GSE1: variants seen among roughly 807,000 people sequenced by gnomAD.
GSE1 encodes genetic suppressor element 1.
A neutral mutation model predicts 112.6 loss-of-function variants in GSE1; 32 were observed. The ratio of observed to expected loss-of-function variants is 0.28; its 90% CI spans 0.21 to 0.38. The LOEUF (loss-of-function observed/expected upper bound fraction) is 0.38, where lower values mean the gene tolerates loss of function less well. GSE1 is among the 10% of genes least tolerant of loss of function. The pLI is 1.00. For synonymous variants in GSE1, 1,115 were observed against 735.6 expected (o/e 1.52, Z -8.35); for missense variants, 2,348 against 1,699.2 (o/e 1.38, Z -6.71).
rs146794277 is a variant in GSE1, at chr16:85,367,643, G to A, written c.2464+10000G>A. Among the ~76,000 whole-genome samples, 1,376 of 152,280 alleles carry A rather than the reference G, an allele frequency of 9.0e-3. 18 individuals carry two copies. The highest frequency in any genetic ancestry group is 0.045 in the South Asian group (218 of 4,824). On this transcript the variant is annotated intron_variant, in intron 2 of 2. Coordinates refer to the GSE1 transcript ENST00000637419. ...AGCGAAGAGCATATGCAAGGGCCCC[G>A]GGGCAGCCAGTGCCTGGCATGCTTA...
chr16:85,605,768 A>G (rs1361898389), intron 1 of GSE1, among the ~76,000 whole-genome samples: 1 of 151,920 alleles, frequency 6.6e-6, no homozygotes, highest in African/African-American at 2.4e-5. Flanking sequence ...TTTTAGAGGT[A>G]AGTGGTAGAG....
chr16:85,644,709 T>G (rs193212590), intron 2 of GSE1, among the ~76,000 whole-genome samples: 57 of 151,990 alleles, frequency 3.8e-4, no homozygotes, highest in African/African-American at 1.2e-3. Context: ...ACGGAAATGC[T>G]CTGAAATGGA....
intron 2 of GSE1, among the ~76,000 whole-genome samples, chr16:85,398,823 G>C (rs2048025167): frequency 6.6e-6 from 1 of 152,108 alleles, no homozygotes. Flanking sequence ...ATGTGTGTGG[G>C]TGCATGTGTA....
chr16:85,245,901 CGAG>C (rs1381971342), intron 1 of GSE1, among the ~76,000 whole-genome samples: 1 of 149,482 alleles, frequency 6.7e-6, no homozygotes, highest in Non-Finnish European at 1.5e-5. Flanking sequence ...GCGTGTGTGT[CGAG>C]GTGTCTACGT....
At position 85,483,157 on chromosome 16, in the gene GSE1, G is replaced by A. The variant is rs115259535; in HGVS notation, c.2464+125514G>A. 3.1e-3 allele frequency among the ~76,000 whole-genome samples: 468 copies of A among 152,288 alleles called. 3 individuals carry two copies. The highest frequency in any genetic ancestry group is 0.011 in the African/African-American group (447 of 41,554). ...TATATGAAGCAGAAATGAATTTCCTGTTTACACTTGGGTCCCATCCCCAAG... is the reference window on the plus strand; with the variant it reads ...TATATGAAGCAGAAATGAATTTCCTATTTACACTTGGGTCCCATCCCCAAG... On this transcript the variant is annotated intron_variant, in intron 2 of 2. Transcript: ENST00000637419.
chr16:85,280,586 G>A lies in GSE1; in HGVS notation c.2284-76877G>A, dbSNP rs1567659484. 2.6e-5 allele frequency among the ~76,000 whole-genome samples: 4 copies of A among 152,210 alleles called. No homozygotes were observed. In the South Asian group the frequency reaches 8.3e-4, roughly 32 times the overall value. On this transcript the variant is annotated intron_variant, in intron 1 of 2. Coordinates refer to the GSE1 transcript ENST00000637419. ...AATTTTTGTGTCTTTAGTAGAGACG[G>A]GATTTTGCCATGTTGGCCAGGCCGC...
At chr16:85,448,898 C>T (rs1399702872) in intron 2 of GSE1, among the ~76,000 whole-genome samples, 2 of 152,208 alleles carry the variant, frequency 1.3e-5, no homozygotes, top group African/African-American at 4.8e-5. Context: ...GGTTTTGGGT[C>T]AGAAAGGCAA....
At chr16:85,222,164 G>A (rs1418684365) in intron 1 of GSE1, among the ~76,000 whole-genome samples, 2 of 152,210 alleles carry the variant, frequency 1.3e-5, no homozygotes, top group African/African-American at 2.4e-5. Context: ...CGCTCCCTGT[G>A]GCTCTGGTGG....
intron 1 of GSE1, among the ~76,000 whole-genome samples, chr16:85,307,896 T>G (rs898002463): frequency 6.6e-6 from 1 of 152,212 alleles, no homozygotes; most frequent in Non-Finnish European, 1.5e-5. Flanking sequence ...GGTCAGACTT[T>G]CTGTGAGTTC....
At chr16:85,331,537 GTA>G (rs1190834070) in intron 1 of GSE1, among the ~76,000 whole-genome samples, 2 of 118,206 alleles carry the variant, frequency 1.7e-5, no homozygotes, top group African/African-American at 7.2e-5. Context: ...GTGTATATGT[GTA>G]TATGTGTGTA....
chr16:85,466,738 C>A (rs1156699574), intron 2 of GSE1, among the ~76,000 whole-genome samples: 2 of 149,066 alleles, frequency 1.3e-5, no homozygotes, highest in South Asian at 2.2e-4. Context: ...AGAGGGAGAG[C>A]GCACAAGAGA....
chr16:85,656,755 T>G (rs912803946), intron 7 of GSE1, 90 bp downstream of exon 7: 3 of 1,427,280 alleles, frequency 2.1e-6, no homozygotes, highest in Admixed American at 5.7e-5. Flanking sequence ...GTTGCCGTGG[T>G]GTAAATGTTC....
chr16:85,627,044 C>CTTTTTTTTTTTTTTTTTT lies in GSE1; in HGVS notation c.8-6855_8-6838dup, dbSNP rs564272210. 4.1e-3 allele frequency among the ~76,000 whole-genome samples: 104 copies of CTTTTTTTTTTTTTTTTTT among 25,072 alleles called. 18 individuals carry two copies. The highest frequency in any genetic ancestry group is 6.3e-3 in the African/African-American group (40 of 6,382). The allele number at this position is 25,072 out of a possible 152,430, so 16.4% of individuals were successfully genotyped here. ...GGACTTTGCTTCCTTTTCTTCTTGC[C>CTTTTTTTTTTTTTTTTTT]TTTTTTTTTTTTTTTTTTTTTTTTT... On this transcript the variant is annotated intron_variant, in intron 1 of 15. Transcript: ENST00000253458.
chr16:85,260,117 G>GC (rs995212523), intron 1 of GSE1, among the ~76,000 whole-genome samples: 5 of 152,104 alleles, frequency 3.3e-5, no homozygotes, highest in South Asian at 2.1e-4. Context: ...GGCATGGGCA[G>GC]CCCCCCCGCA....
chr16:85,247,951 G>A (rs1359274992), intron 1 of GSE1, among the ~76,000 whole-genome samples: 7 of 152,232 alleles, frequency 4.6e-5, no homozygotes, highest in African/African-American at 1.2e-4. Flanking sequence ...ACTTCTGGCT[G>A]TAGGAATTCC....
chr16:85,446,731 C>T (rs1010482098), intron 2 of GSE1, among the ~76,000 whole-genome samples: 22 of 152,160 alleles, frequency 1.4e-4, no homozygotes, highest in Middle Eastern at 3.2e-3. Context: ...AAGGGAAGAG[C>T]GGGCATGGTG....
intron 1 of GSE1, among the ~76,000 whole-genome samples, chr16:85,588,625 C>T (rs1369696087): frequency 6.6e-6 from 1 of 152,246 alleles, no homozygotes; most frequent in Non-Finnish European, 1.5e-5. Flanking sequence ...TGTCTGTGAC[C>T]TTTGCTGGGA....
At chr16:85,645,287 G>C (rs372288602) in intron 2 of GSE1, among the ~76,000 whole-genome samples, 2 of 152,128 alleles carry the variant, frequency 1.3e-5, no homozygotes, top group Admixed American at 6.6e-5. Flanking sequence ...GCGTGATGAG[G>C]TGGGGGCCTT....
At chr16:85,237,916 A>G (rs867753636) in intron 1 of GSE1, among the ~76,000 whole-genome samples, 2 of 152,174 alleles carry the variant, frequency 1.3e-5, no homozygotes, top group Non-Finnish European at 2.9e-5. Context: ...CTGCTGCTCC[A>G]ACCCCAGCGT....
Sources: gnomAD v4.1 joint callset for allele counts (sites outside exome capture counted in the v4.1 genomes callset) on GRCh38, gnomAD v4.1.1 for gene constraint, MANE v1.5 for transcripts, NCBI Gene and HGNC (gene_info 2026-07-23, HGNC 2026-07-21) for gene names.